Variants in DPPA2 observed in about 807,000 individuals in gnomAD.
The protein encoded by DPPA2 is developmental pluripotency associated 2.
A neutral mutation model predicts 36.2 loss-of-function variants in DPPA2; 26 were observed. That is an observed-to-expected ratio of 0.72 (90% confidence interval 0.53 to 1.00). The LOEUF (loss-of-function observed/expected upper bound fraction) is 1.00, where lower values mean the gene tolerates loss of function less well. DPPA2 is among the 50% of genes least tolerant of loss of function. DPPA2 has a pLI of 0.00. For synonymous variants in DPPA2, 113 were observed against 123.2 expected, an observed-to-expected ratio of 0.92 and a Z score of 0.55; for missense variants, 361 against 365.1, an observed-to-expected ratio of 0.99 and a Z score of 0.09.
At chr3:109,314,645 A>C in intron 1 of DPPA2, 90 bp from the exon 2 acceptor site, 1 of 1,262,076 alleles carries the variant, frequency 7.9e-7, no homozygotes. Context: ...GTTTCCTTCT[A>C]CTTCCTGTTA....
intron 6 of DPPA2, among the ~76,000 whole-genome samples, chr3:109,304,874 C>T (rs377560771): frequency 1.1e-3 from 172 of 152,238 alleles, no homozygotes; most frequent in African/African-American, 3.6e-3. Flanking sequence ...TGGCTAGGCG[C>T]GGTGGCTCAC....
intron 6 of DPPA2, among the ~76,000 whole-genome samples, chr3:109,306,845 T>C (rs934853059): frequency 6.6e-6 from 1 of 151,242 alleles, no homozygotes; most frequent in Admixed American, 6.6e-5. Context: ...TGGTGGCGCA[T>C]GACTGTAATC....
chr3:109,303,502 T>C (rs1157966785), intron 7 of DPPA2, among the ~76,000 whole-genome samples: 1 of 151,996 alleles, frequency 6.6e-6, no homozygotes, highest in Non-Finnish European at 1.5e-5. Context: ...CCCGAGTAGC[T>C]GGGATTACAG....
chr3:109,308,121 G>T lies in DPPA2; in HGVS notation c.569C>A (p.Ala190Glu). ...SAPGAMLASW[A>E]RIAARAVQPK... is the part of the protein sequence containing the mutation. ...CTGAACAGCTCTTGCAGCAATTCTT[G>T]CCCATGATGCCAACATGGCTCCCGG... Residue 190 changes from alanine to glutamate, a missense_variant, in exon 6 of 9, where the codon GCA becomes GAA. Ala to Glu is a moderately radical substitution (Grantham distance 107). Coordinates refer to ENST00000478945, the MANE Select transcript of DPPA2 (RefSeq NM_138815.4). 1 of 1,614,178 alleles carries T rather than the reference G, an allele frequency of 6.2e-7. No individual in the cohort carries two copies. The highest frequency in any genetic ancestry group is 8.5e-7 in the Non-Finnish European group (1 of 1,180,034).
At chr3:109,310,102 C>G (rs1375083307) in intron 3 of DPPA2, among the ~76,000 whole-genome samples, 2 of 151,638 alleles carry the variant, frequency 1.3e-5, no homozygotes, top group Non-Finnish European at 2.9e-5. Flanking sequence ...GTGGCACATG[C>G]CTGTAATCCC....
intron 6 of DPPA2, among the ~76,000 whole-genome samples, chr3:109,306,424 G>A (rs1420442439): frequency 6.6e-6 from 1 of 152,166 alleles, no homozygotes; most frequent in Non-Finnish European, 1.5e-5. Context: ...CAGAGGATAT[G>A]CCAATTTCAA....
chr3:109,310,794 G>A (rs556041151), intron 3 of DPPA2, among the ~76,000 whole-genome samples: 20 of 150,054 alleles, frequency 1.3e-4, no homozygotes, highest in Admixed American at 3.3e-4. Flanking sequence ...ATGAGCCACC[G>A]CACCCAGCTT....
intron 3 of DPPA2, among the ~76,000 whole-genome samples, chr3:109,312,150 A>G (rs938905613): frequency 2.0e-5 from 3 of 152,136 alleles, no homozygotes; most frequent in Non-Finnish European, 4.4e-5. Flanking sequence ...CCTGGCCAAC[A>G]TGGTGAAAGC....
chr3:109,308,103 G>C lies in DPPA2; in HGVS notation c.587C>G (p.Ala196Gly). 6.2e-7 allele frequency: 1 copy of C among 1,614,228 alleles called. No homozygotes were observed. The highest frequency in any genetic ancestry group is 8.5e-7 in the Non-Finnish European group (1 of 1,180,042). ...TGAATTCAAAGCCTTAGGCTGAACA[G>C]CTCTTGCAGCAATTCTTGCCCATGA... Reference protein sequence around the residue: ...LASWARIAARAVQPKALNSCS... With the variant: ...LASWARIAARGVQPKALNSCS... The change falls in exon 6 of 9, where the codon GCT becomes GGT. Residue 196 changes from alanine (A) to glycine (G), a missense_variant. Ala to Gly is a moderately conservative substitution (Grantham distance 60). Transcript: ENST00000478945.
chr3:109,310,861 G>A (rs1707697364), intron 3 of DPPA2, among the ~76,000 whole-genome samples: 1 of 151,802 alleles, frequency 6.6e-6, no homozygotes, highest in African/African-American at 2.4e-5. Flanking sequence ...GAGTGCAGTG[G>A]TGCGATCTCG....
intron 8 of DPPA2, among the ~76,000 whole-genome samples, chr3:109,298,436 C>T (rs1007385963): frequency 1.9e-4 from 29 of 151,746 alleles, no homozygotes; most frequent in Admixed American, 1.3e-4. Context: ...ATAAAATAGC[C>T]GGGCACGGTG....
At chr3:109,297,427 G>A (rs1287623070) in intron 8 of DPPA2, among the ~76,000 whole-genome samples, 3 of 151,572 alleles carry the variant, frequency 2.0e-5, no homozygotes, top group South Asian at 4.2e-4. Flanking sequence ...GGGAGGCAGA[G>A]GCAGGATAAT....
chr3:109,308,930 C>T, intron 5 of DPPA2, 96 bp downstream of exon 5: 1 of 1,448,838 alleles, frequency 6.9e-7, no homozygotes, highest in South Asian at 1.2e-5. Context: ...GAAACCCTGC[C>T]TTAGAGGTAC....
intron 5 of DPPA2, 32 bp downstream of exon 5, chr3:109,308,994 A>G (rs762311820): frequency 2.5e-6 from 4 of 1,613,766 alleles, no homozygotes; most frequent in Admixed American, 1.7e-5. Context: ...ATCAGAACCC[A>G]CCTTCACACC....
intron 5 of DPPA2, 61 bp from the exon 6 acceptor site, chr3:109,308,354 T>C: frequency 6.5e-7 from 1 of 1,542,162 alleles, no homozygotes; most frequent in Non-Finnish European, 8.7e-7. Flanking sequence ...GACTTTTGGG[T>C]CAATTTTATT....
Position 109,308,052 on chromosome 3 carries a change from G to C in DPPA2, c.638C>G (p.Ala213Gly). ...CTTACCAGAGGCTTGCATCAAAAAG[G>C]CCTCAACAGAAACAGGAATGGAACA... is the stretch of plus-strand genomic sequence containing the variant. ...NSCSIPVSVE[A>G]FLMQASGVRW... Residue 213 changes from alanine (A) to glycine (G), a missense_variant, in exon 6 of 9, where the codon GCC (alanine) becomes GGC (glycine). Coordinates refer to ENST00000478945, the MANE Select transcript of DPPA2 (RefSeq NM_138815.4). 1 of 1,614,160 alleles carries C rather than the reference G, an allele frequency of 6.2e-7. No homozygotes were observed. Among genetic ancestry groups the C allele is most frequent in the Non-Finnish European group, 8.5e-7 (1 of 1,179,994 alleles).
At chr3:109,308,845 A>G (rs11921210) in intron 5 of DPPA2, among the ~76,000 whole-genome samples, 181 bp downstream of exon 5, 1 of 152,178 alleles carries the variant, frequency 6.6e-6, no homozygotes. Flanking sequence ...TGCAAAACAT[A>G]CTACAATGTA....
chr3:109,309,906 A>G (rs1275409384), intron 3 of DPPA2, among the ~76,000 whole-genome samples: 1 of 151,306 alleles, frequency 6.6e-6, no homozygotes, highest in Non-Finnish European at 1.5e-5. Flanking sequence ...ACATGGTAAA[A>G]CCCCGTCTCT....
intron 8 of DPPA2, among the ~76,000 whole-genome samples, chr3:109,296,501 A>G (rs1320540641): frequency 6.6e-6 from 1 of 152,012 alleles, no homozygotes; most frequent in Non-Finnish European, 1.5e-5. Context: ...ATGGAGAAAC[A>G]CTGTCTCTAC....
Sources: gnomAD v4.1 joint callset for allele counts (sites outside exome capture counted in the v4.1 genomes callset) on GRCh38, gnomAD v4.1.1 for gene constraint, MANE v1.5 for transcripts, NCBI Gene and HGNC (gene_info 2026-07-23, HGNC 2026-07-21) for gene names.